Variants in EPG5 observed in about 807,000 individuals in gnomAD.
EPG5 encodes ectopic P-granules 5 autophagy tethering factor, also known as ectopic P granules protein 5 homolog.
EPG5 carries 159 observed loss-of-function variants against 302.7 expected under a neutral mutation model. That is an observed-to-expected ratio of 0.53 (90% CI 0.46 to 0.60). The LOEUF (loss-of-function observed/expected upper bound fraction) is 0.60, where lower values mean the gene tolerates loss of function less well. Ranked by LOEUF, EPG5 falls within the 20% of genes least tolerant of loss-of-function variation. The pLI, the probability that EPG5 is intolerant of heterozygous loss-of-function variation, is 0.00. For synonymous variants in EPG5, 1,158 were observed against 1,136.8 expected (o/e 1.02, Z -0.37); for missense variants, 2,896 against 3,092.4 (o/e 0.94, Z 1.51).
chr18:45,909,502 G>A lies in EPG5; in HGVS notation c.4205+1019C>T, dbSNP rs187704559. Among the ~76,000 whole-genome samples, 18 of 152,278 alleles carry A rather than the reference G, an allele frequency of 1.2e-4. No individual in the cohort carries two copies. In the East Asian group the frequency reaches 3.3e-3, roughly 28 times the overall value. ...CTAGATGAAATGGGGACCTCACCTAGCTATTGTGTATTGAGGATTAATTCT... is the reference window on the plus strand; with the variant it reads ...CTAGATGAAATGGGGACCTCACCTAACTATTGTGTATTGAGGATTAATTCT... On this transcript the variant is annotated intron_variant, in intron 23 of 43. Transcript: ENST00000282041.
At chr18:45,889,032 C>A (rs1476623162) in intron 28 of EPG5, among the ~76,000 whole-genome samples, 1 of 152,112 alleles carries the variant, frequency 6.6e-6, no homozygotes, top group Non-Finnish European at 1.5e-5. Context: ...TGTCCCTTTC[C>A]CAGTAAAAGA....
chr18:45,935,707 T>C (rs1039027673), intron 10 of EPG5, among the ~76,000 whole-genome samples: 1 of 152,176 alleles, frequency 6.6e-6, no homozygotes, highest in African/African-American at 2.4e-5. Flanking sequence ...CAGACACATG[T>C]GCAGTGGGTG....
At chr18:45,862,607 C>T (rs1457111959) in intron 39 of EPG5, among the ~76,000 whole-genome samples, 1 of 152,146 alleles carries the variant, frequency 6.6e-6, no homozygotes. Flanking sequence ...CAACATCTCC[C>T]CCCTTGCTCA....
Position 45,923,381 on chromosome 18 carries a change from G to C in EPG5, c.2725C>G (p.Leu909Val). The C allele has an allele frequency of 6.2e-7, 1 of 1,610,678 alleles. No homozygotes were observed. The highest frequency in any genetic ancestry group is 1.1e-5 in the South Asian group (1 of 90,606). ...LNWGFAKQAT[L>V]HLDQAVHAEV... ...GCATGGACTGCTTGATCCAGATGAA[G>C]GGTAGCCTTTTAAAGAGAAAAATAA... Residue 909 changes from leucine (L) to valine (V), a missense_variant, in exon 15 of 44, where the codon CTT (leucine) becomes GTT (valine). Physicochemically the swap from Leu to Val is conservative, Grantham distance 32. Transcript: ENST00000282041.
the EPG5 span, chr18:45,837,619 C>T: frequency 4.5e-5 from 68 of 1,508,680 alleles, 1 homozygote; most frequent in South Asian, 8.2e-4. Context: ...ACCGCCACTA[C>T]GACGGGCCGC....
rs2048566875 is a variant in EPG5 at position 45,858,632 on chromosome 18, T to C, written c.7160A>G (p.Gln2387Arg). The C allele has an allele frequency of 1.2e-6, 2 of 1,614,076 alleles. No homozygotes were observed. Among genetic ancestry groups the C allele is most frequent in the African/African-American group, 2.7e-5 (2 of 74,930 alleles). Residue 2387 changes from glutamine to arginine, a missense_variant, in exon 41 of 44, where the codon CAG becomes CGG. This residue lies in a region of EPG5 where 620 missense variants were observed against 704.2 expected (regional missense o/e 0.88). Coordinates refer to ENST00000282041, the MANE Select transcript of EPG5 (RefSeq NM_020964.3). ...CACTTTCATTTCATTCCTTAAAGTC[T>C]GTTCGCTGTTTAAACACTGAAGCAA... ...VYLLQCLNSE[Q>R]TLRNEMKVLL...
intron 3 of EPG5, among the ~76,000 whole-genome samples, chr18:45,951,596 T>C (rs1038405091): frequency 3.3e-5 from 5 of 152,042 alleles, no homozygotes; most frequent in African/African-American, 1.2e-4. Context: ...GTAGCTGGGA[T>C]TACTGGTGCC....
intron 27 of EPG5, among the ~76,000 whole-genome samples, chr18:45,896,839 G>A (rs9958987): frequency 1.3e-5 from 2 of 152,184 alleles, no homozygotes; most frequent in East Asian, 3.9e-4. Context: ...GACCCACCAC[G>A]CTCAGCCCAA....
intron 1 of EPG5, among the ~76,000 whole-genome samples, chr18:45,965,136 C>T (rs2051222000): frequency 6.6e-6 from 1 of 152,050 alleles, no homozygotes; most frequent in African/African-American, 2.4e-5. Context: ...AGAACAAAAT[C>T]GTGTCCCCTG....
intron 31 of EPG5, among the ~76,000 whole-genome samples, chr18:45,881,562 A>G (rs1377144903): frequency 6.6e-6 from 1 of 152,246 alleles, no homozygotes; most frequent in Non-Finnish European, 1.5e-5. Flanking sequence ...ATTTGCTATT[A>G]TATCTATAAA....
intron 30 of EPG5, among the ~76,000 whole-genome samples, chr18:45,883,858 C>T (rs551245888): frequency 5.6e-4 from 83 of 149,492 alleles, no homozygotes; most frequent in Non-Finnish European, 9.5e-4. Context: ...AAACTCATTA[C>T]CTTGGTCTAA....
rs552419530 is a variant in EPG5, at chr18:45,930,715, G to A, written c.2373C>T (p.Asp791=). The A allele has an allele frequency of 8.4e-5, 134 of 1,604,344 alleles. 1 individual carries two copies. In the South Asian group the frequency reaches 1.3e-3, roughly 15 times the overall value. ...QMAQARRTNV[D]EDFIKIIVLE... is the part of the protein sequence containing the mutation. ...GAACAATAATTTTTATGAAGTCTTC[G>A]TCCACATTGGTTCTTCTGGCCTGAG... The change falls in exon 12 of 44, where the codon GAC becomes GAT. Residue 791 remains aspartate (D), a synonymous_variant. Coordinates refer to ENST00000282041, the MANE Select transcript of EPG5 (RefSeq NM_020964.3).
chr18:45,962,572 G>C (rs1237059748), intron 1 of EPG5, among the ~76,000 whole-genome samples: 1 of 152,148 alleles, frequency 6.6e-6, no homozygotes, highest in African/African-American at 2.4e-5. Context: ...TTAGGCATCA[G>C]GTGATAAGCA....
At chr18:45,831,611 A>G in the EPG5 span, among the ~76,000 whole-genome samples, 1 of 152,210 alleles carries the variant, frequency 6.6e-6, no homozygotes, top group African/African-American at 2.4e-5. Flanking sequence ...ATAAATACCT[A>G]TTGAGTGAAT....
intron 42 of EPG5, among the ~76,000 whole-genome samples, chr18:45,856,992 G>A (rs183534838): frequency 2.6e-4 from 39 of 152,114 alleles, no homozygotes; most frequent in African/African-American, 8.4e-4. Flanking sequence ...GATCTCGGCT[G>A]ACTGCAACCT....
chr18:45,887,236 A>G (rs1180460331), intron 29 of EPG5, among the ~76,000 whole-genome samples: 1 of 152,172 alleles, frequency 6.6e-6, no homozygotes, highest in Non-Finnish European at 1.5e-5. Context: ...AAACAAATAA[A>G]TGTTGACCAA....
intron 6 of EPG5, among the ~76,000 whole-genome samples, chr18:45,947,041 G>A (rs1379975467): frequency 6.6e-6 from 1 of 152,174 alleles, no homozygotes. Context: ...CAATACATAT[G>A]CTGCGGACCT....
At chr18:45,939,981 T>C (rs377383462) in intron 9 of EPG5, among the ~76,000 whole-genome samples, 2 of 152,110 alleles carry the variant, frequency 1.3e-5, no homozygotes, top group East Asian at 3.8e-4. Context: ...TAAAGTCATA[T>C]ACAGTCTGTC....
chr18:45,910,413 T>C, intron 23 of EPG5, 108 bp downstream of exon 23: 4 of 797,344 alleles, frequency 5.0e-6, no homozygotes, highest in Non-Finnish European at 8.1e-6. Flanking sequence ...ATATTCAATC[T>C]AACCGTGTTA....
Sources: allele counts gnomAD v4.1 joint callset (sites outside exome capture counted in the v4.1 genomes callset), GRCh38; gene constraint gnomAD v4.1.1; regional missense constraint gnomAD v4.1.1; transcripts MANE v1.5; gene names NCBI Gene and HGNC (gene_info 2026-07-23, HGNC 2026-07-21).